The following GALK2 variants were observed in gnomAD, a reference collection of about 807,000 sequenced individuals.
The protein encoded by GALK2 is galactokinase 2, also known as N-acetylgalactosamine kinase.
GALK2 carries 36 observed loss-of-function variants against 52.4 expected under a neutral mutation model. That is an observed-to-expected ratio of 0.69 (90% CI 0.53 to 0.91). The LOEUF is 0.91. GALK2 is among the 40% of genes least tolerant of loss of function. The pLI is 0.00. For missense variants in GALK2, 579 were observed against 559.1 expected (o/e 1.04, Z -0.36); for synonymous variants, 176 against 199.1 (o/e 0.88, Z 0.98).
At chr15:49,364,919 T>C (rs975674830) in intron 3 of GALK2, among the ~76,000 whole-genome samples, 3 of 152,182 alleles carry the variant, frequency 2.0e-5, no homozygotes, top group African/African-American at 4.8e-5. Context: ...CATATCCTTT[T>C]ATTTAATGTG....
intron 5 of GALK2, among the ~76,000 whole-genome samples, chr15:49,268,413 A>G (rs941397946): frequency 2.6e-5 from 4 of 152,370 alleles, no homozygotes; most frequent in East Asian, 1.9e-4. Flanking sequence ...TCATATGTCA[A>G]TGTAAAATGC....
chr15:49,164,818 GA>G (rs2084770909), intron 1 of GALK2, among the ~76,000 whole-genome samples: 2 of 140,214 alleles, frequency 1.4e-5, no homozygotes, highest in African/African-American at 2.6e-5. Context: ...AAATAAAAAG[GA>G]AAAAACAAAA....
chr15:49,292,604 T>G, intron 8 of GALK2, 67 bp downstream of exon 8: 1 of 1,297,514 alleles, frequency 7.7e-7, no homozygotes, highest in Middle Eastern at 2.2e-4. Context: ...TTTCAATTTC[T>G]CCACTGGTTT....
downstream of GALK2, among the ~76,000 whole-genome samples, chr15:49,334,764 C>A (rs1441804399): frequency 6.6e-6 from 1 of 151,942 alleles, no homozygotes; most frequent in African/African-American, 2.4e-5. Flanking sequence ...CAGGAGGCAC[C>A]CAAAAGGGAG....
At chr15:49,366,734 G>T in intron 3 of GALK2, 3 of 968,658 alleles carry the variant, frequency 3.1e-6, no homozygotes, top group East Asian at 5.2e-5. Context: ...CACTAGGTGG[G>T]GTAGGCTGGG....
intron 3 of GALK2, among the ~76,000 whole-genome samples, chr15:49,349,438 T>C (rs1662232223): frequency 1.3e-5 from 2 of 152,212 alleles, no homozygotes; most frequent in African/African-American, 4.8e-5. Flanking sequence ...ATAAAATGTC[T>C]TTCTCTAAGA....
intron 4 of GALK2, among the ~76,000 whole-genome samples, chr15:49,237,449 G>T (rs16962162): frequency 0.06 from 9,169 of 151,916 alleles, 548 homozygotes; most frequent in African/African-American, 0.15. Flanking sequence ...ATAATACGTT[G>T]TTTTTTGTTT....
At chr15:49,354,757 C>A (rs2042831836) in intron 3 of GALK2, among the ~76,000 whole-genome samples, 1 of 152,104 alleles carries the variant, frequency 6.6e-6, no homozygotes, top group African/African-American at 2.4e-5. Flanking sequence ...GGAGGCCTGC[C>A]TGCCTCTGTA....
At chr15:49,333,211 C>T (rs1441985275), downstream of GALK2, among the ~76,000 whole-genome samples, 2 of 152,060 alleles carry the variant, frequency 1.3e-5, no homozygotes, top group Non-Finnish European at 2.9e-5. Context: ...GTGTACAGTT[C>T]AGTGGTTTTA....
intron 3 of GALK2, among the ~76,000 whole-genome samples, chr15:49,346,175 T>C (rs951625973): frequency 6.6e-6 from 1 of 152,186 alleles, no homozygotes; most frequent in African/African-American, 2.4e-5. Context: ...CCGTTGTTTT[T>C]CAGAAACTTG....
intron 3 of GALK2, among the ~76,000 whole-genome samples, chr15:49,344,668 G>T (rs2041216226): frequency 6.6e-6 from 1 of 152,156 alleles, no homozygotes; most frequent in Non-Finnish European, 1.5e-5. Context: ...TGGTGGTCCT[G>T]CTCATTACAT....
chr15:49,309,254 AATC>A (rs2035793746), intron 8 of GALK2, among the ~76,000 whole-genome samples: 1 of 152,216 alleles, frequency 6.6e-6, no homozygotes, highest in Admixed American at 6.5e-5. Context: ...GGAAATATAT[AATC>A]CTAAAAGATT....
intron 3 of GALK2, among the ~76,000 whole-genome samples, chr15:49,356,730 G>A (rs150532507): frequency 0.16 from 5,119 of 31,388 alleles, 103 homozygotes; most frequent in Middle Eastern, 0.22. Flanking sequence ...TGCACCAAGC[G>A]GACCTAATAG....
chr15:49,328,953 A>T lies in GALK2; in HGVS notation c.*794A>T, dbSNP rs2038045619. On this transcript the variant is annotated 3_prime_UTR_variant, in exon 10 of 10. Transcript: ENST00000560031. The stretch of plus-strand genomic sequence containing the variant: ...TTTAAGACTCTTCTATTCACATTGA[A>T]ATAAAGAATTATCTAGATGATAATT... The T allele has an allele frequency of 9.1e-7, 1 of 1,101,352 alleles. No individual in the cohort carries two copies. Among genetic ancestry groups the T allele is most frequent in the East Asian group, 4.8e-5 (1 of 20,954 alleles). The allele number at this position is 1,101,352 out of a possible 1,614,324, so 68.2% of individuals were successfully genotyped here. A position where few individuals can be genotyped will look rare whatever the true frequency, so the allele number is the denominator to read the frequency against.
At chr15:49,341,656 T>A (rs772323235) in intron 3 of GALK2, among the ~76,000 whole-genome samples, 5 of 152,200 alleles carry the variant, frequency 3.3e-5, no homozygotes, top group Non-Finnish European at 7.3e-5. Flanking sequence ...CTGGCTGAGA[T>A]CTTTCTAACT....
intron 3 of GALK2, among the ~76,000 whole-genome samples, chr15:49,342,729 A>G (rs779533996): frequency 6.6e-6 from 1 of 152,278 alleles, no homozygotes; most frequent in African/African-American, 2.4e-5. Context: ...TCTAGTGGCA[A>G]TGAATTCCCT....
chr15:49,228,685 A>ATTTT (rs1566957985), intron 3 of GALK2, among the ~76,000 whole-genome samples: 7 of 18,140 alleles, frequency 3.9e-4, no homozygotes, highest in Admixed American at 6.7e-4. Context: ...ATATATATAT[A>ATTTT]TATTTTTTTT....
In GALK2 at chr15:49,211,169, TA is replaced by T. The variant is rs1354798633; in HGVS notation, c.143-6020del. Among the ~76,000 whole-genome samples, 3 of 152,176 alleles carry T rather than the reference TA, an allele frequency of 2.0e-5. No individual in the cohort carries two copies. In the East Asian group the frequency reaches 5.8e-4, roughly 29 times the overall value. On this transcript the variant is annotated intron_variant, in intron 2 of 9. Transcript: ENST00000560031. Reference sequence around the variant, plus strand: ...ACTACATCTTGAATGCTTTGCTGCTTAGAAATTTTTTTCACCAGATATCATC... The same window carrying T: ...ACTACATCTTGAATGCTTTGCTGCTTGAAATTTTTTTCACCAGATATCATC...
chr15:49,339,148 T>C (rs1166683978), intron 3 of GALK2, among the ~76,000 whole-genome samples: 3 of 152,192 alleles, frequency 2.0e-5, no homozygotes, highest in African/African-American at 7.2e-5. Flanking sequence ...GTCAAACTTA[T>C]TCTCTGTCCA....
Sources: gnomAD v4.1 joint callset for allele counts (sites outside exome capture counted in the v4.1 genomes callset) on GRCh38, gnomAD v4.1.1 for gene constraint, MANE v1.5 for transcripts, NCBI Gene and HGNC (gene_info 2026-07-23, HGNC 2026-07-21) for gene names.